Variants in CDH23 observed in about 807,000 individuals in gnomAD.
CDH23 encodes cadherin related 23, also known as cadherin-23.
A neutral mutation model predicts 317.1 loss-of-function variants in CDH23; 189 were observed. That is an observed-to-expected ratio of 0.60 (90% confidence interval 0.53 to 0.67). The LOEUF (loss-of-function observed/expected upper bound fraction) is 0.67. CDH23 is among the 30% of genes least tolerant of loss of function. The pLI is 0.00. For missense variants in CDH23, 4,401 were observed against 4,592.4 expected (o/e 0.96, Z 1.20); for synonymous variants, 1,839 against 1,876.8 (o/e 0.98, Z 0.52).
intron 18 of CDH23, among the ~76,000 whole-genome samples, chr10:71,682,868 A>G (rs1864712019): frequency 6.6e-6 from 1 of 152,164 alleles, no homozygotes; most frequent in South Asian, 2.1e-4. Flanking sequence ...GGGGAACAGG[A>G]GCTGGGAGTC....
chr10:71,807,164 G>T, intron 57 of CDH23, 113 bp from the exon 58 acceptor site: 1 of 1,347,612 alleles, frequency 7.4e-7, no homozygotes, highest in East Asian at 2.5e-5. Flanking sequence ...CATAAGGCCT[G>T]GACAGTAAAC....
intron 6 of CDH23, among the ~76,000 whole-genome samples, chr10:71,551,010 A>G (rs972668508): frequency 1.3e-5 from 2 of 152,272 alleles, no homozygotes; most frequent in South Asian, 2.1e-4. Flanking sequence ...TGCAAGCTAC[A>G]GTACAAACGA....
At chr10:71,616,080 C>T (rs1861172556) in intron 10 of CDH23, among the ~76,000 whole-genome samples, 1 of 152,236 alleles carries the variant, frequency 6.6e-6, no homozygotes, top group African/African-American at 2.4e-5. Context: ...GGGGTCTCCA[C>T]CCCAGGATGT....
intron 3 of CDH23, among the ~76,000 whole-genome samples, chr10:71,495,004 G>T (rs892194952): frequency 6.6e-6 from 1 of 152,046 alleles, no homozygotes; most frequent in Admixed American, 6.5e-5. Context: ...TGCTCACCTG[G>T]GGCCTTCGGA....
At chr10:71,724,617 C>G (rs1564759029) in intron 29 of CDH23, among the ~76,000 whole-genome samples, 2 of 152,170 alleles carry the variant, frequency 1.3e-5, no homozygotes, top group Non-Finnish European at 2.9e-5. Context: ...CTTTTGATTG[C>G]CGTGTTCCTG....
intron 25 of CDH23, among the ~76,000 whole-genome samples, chr10:71,705,661 C>T (rs539935914): frequency 5.3e-5 from 8 of 152,332 alleles, no homozygotes; most frequent in African/African-American, 1.9e-4. Flanking sequence ...TGCTCATTCC[C>T]AGTGTCTCTG....
chr10:71,624,608 G>T (rs1285459690), intron 11 of CDH23, among the ~76,000 whole-genome samples: 3 of 152,126 alleles, frequency 2.0e-5, no homozygotes, highest in African/African-American at 7.2e-5. Context: ...GCTGAGGCAG[G>T]AGGATTGCTT....
intron 14 of CDH23, among the ~76,000 whole-genome samples, chr10:71,662,265 G>T (rs1055508108): frequency 2.6e-5 from 4 of 152,050 alleles, no homozygotes; most frequent in African/African-American, 7.2e-5. Context: ...TTAGTGAGCC[G>T]CATGTGCCAA....
At chr10:71,615,118 C>T (rs1333194076) in intron 9 of CDH23, among the ~76,000 whole-genome samples, 9 of 152,186 alleles carry the variant, frequency 5.9e-5, no homozygotes, top group Admixed American at 1.3e-4. Context: ...CAGGTTATTG[C>T]ATCCTGGCTG....
intron 45 of CDH23, among the ~76,000 whole-genome samples, chr10:71,790,006 C>T (rs921876850): frequency 6.6e-5 from 10 of 152,234 alleles, no homozygotes; most frequent in African/African-American, 2.2e-4. Context: ...AGCGGCCAGC[C>T]TCAAAGGCTG....
chr10:71,666,893 T>C (rs1268627487), intron 14 of CDH23, among the ~76,000 whole-genome samples: 1 of 152,222 alleles, frequency 6.6e-6, no homozygotes, highest in African/African-American at 2.4e-5. Flanking sequence ...GAATGATGAA[T>C]GAGGAAAGCA....
intron 25 of CDH23, among the ~76,000 whole-genome samples, chr10:71,705,408 C>A (rs560039177): frequency 1.3e-5 from 2 of 152,174 alleles, no homozygotes; most frequent in Admixed American, 6.5e-5. Context: ...AGCCTCTGAT[C>A]GTGGCAACAG....
rs1849133505 is a variant in CDH23 at position 71,427,225 on chromosome 10, G to GAAAGAAAGAAAGAAAGAAAT, written c.-5-12583_-5-12582insTAAAGAAAGAAAGAAAGAAA. Among the ~76,000 whole-genome samples, 3 of 72,038 alleles carry GAAAGAAAGAAAGAAAGAAAT rather than the reference G, an allele frequency of 4.2e-5. 1 individual carries two copies. In the South Asian group the frequency reaches 1.4e-3, roughly 33 times the overall value. The allele number at this position is 72,038 out of a possible 152,430, so 47.3% of individuals were successfully genotyped here. A position where few individuals can be genotyped will look rare whatever the true frequency, so the allele number is the denominator to read the frequency against. On this transcript the variant is annotated intron_variant, in intron 1 of 69. Transcript: ENST00000224721. ...AGAAAGAAAGAAAGAAAGAAAGAAA[G>GAAAGAAAGAAAGAAAGAAAT]AAAGAAAGAAAGAAAGAAAGGGAAA...
chr10:71,596,736 C>G (rs938069652), intron 9 of CDH23, among the ~76,000 whole-genome samples: 72 of 152,310 alleles, frequency 4.7e-4, no homozygotes, highest in Middle Eastern at 3.4e-3. Flanking sequence ...GGATAGGTCA[C>G]AAAGGGCCAA....
In CDH23 at chr10:71,755,506, C is replaced by A. The variant is rs530406926; in HGVS notation, c.4845+13585C>A. 7 of 1,553,530 alleles carry A rather than the reference C, an allele frequency of 4.5e-6. No individual in the cohort carries two copies. In the East Asian group the frequency reaches 1.6e-4, roughly 36 times the overall value. On this transcript the variant is annotated intron_variant, in intron 38 of 69. Coordinates refer to ENST00000224721, the MANE Select transcript of CDH23 (RefSeq NM_022124.6). ...AGGTAGCCAAGGTGAAGCCCCATTC[C>A]CATTGCTCCTCCTGAGCATAAACTG...
At chr10:71,793,804 A>G (rs1218712235) in intron 48 of CDH23, among the ~76,000 whole-genome samples, 164 bp downstream of exon 48, 1 of 150,858 alleles carries the variant, frequency 6.6e-6, no homozygotes, top group African/African-American at 2.4e-5. Flanking sequence ...TCTCTTTTCC[A>G]TCTCTCCCCT....
At chr10:71,689,771 C>G (rs937029720) in intron 19 of CDH23, among the ~76,000 whole-genome samples, 1 of 152,202 alleles carries the variant, frequency 6.6e-6, no homozygotes, top group Admixed American at 6.5e-5. Context: ...GGTGAAGGCG[C>G]CTGCCGAGGC....
chr10:71,418,120 A>G (rs1448680730), intron 1 of CDH23, among the ~76,000 whole-genome samples: 4 of 152,062 alleles, frequency 2.6e-5, no homozygotes, highest in African/African-American at 9.7e-5. Context: ...ATTAATCACT[A>G]TAATTTTTAA....
rs776230069 is a variant in CDH23 at position 71,759,846 on chromosome 10, C to CACACACACATACACACACACACACAT, written c.4846-17833_4846-17832insCACACACATACACACACACACACATA. On this transcript the variant is annotated intron_variant, in intron 38 of 69. Transcript: ENST00000224721. ...ACACACACACACACACACACACACA[C>CACACACACATACACACACACACACAT]ATATACACACACACACACATATATA... Among the ~76,000 whole-genome samples the CACACACACATACACACACACACACAT allele has an allele frequency of 1.8e-4, 11 of 59,944 alleles. 4 individuals carry two copies. The highest frequency in any genetic ancestry group is 6.6e-4 in the African/African-American group (11 of 16,684). 39.3% of individuals were successfully genotyped at this position (59,944 alleles called of 152,430 possible).
Sources: gnomAD v4.1 joint callset for allele counts (sites outside exome capture counted in the v4.1 genomes callset) on GRCh38, gnomAD v4.1.1 for gene constraint, MANE v1.5 for transcripts, NCBI Gene and HGNC (gene_info 2026-07-23, HGNC 2026-07-21) for gene names.